The following NXPE2 variants were observed in gnomAD, a reference collection of about 807,000 sequenced individuals.
NXPE2 encodes the protein neurexophilin and PC-esterase domain family member 2.
In NXPE2, 34 loss-of-function variants were observed where a neutral mutation model predicts 34.4. The ratio of observed to expected loss-of-function variants is 0.99; its 90% CI spans 0.75 to 1.31. The LOEUF is 1.31. NXPE2 is among the 40% of genes most tolerant of loss of function. The pLI is 0.00. For missense variants in NXPE2, 649 were observed against 672.5 expected (o/e 0.97, Z 0.39); for synonymous variants, 235 against 231.3 (o/e 1.02, Z -0.15).
chr11:114,704,045 A>G lies in NXPE2; in HGVS notation c.921A>G (p.Pro307=), dbSNP rs1442078299. Residue 307 remains proline (P), a synonymous_variant, in exon 4 of 6, where the codon CCA becomes CCG. Coordinates refer to ENST00000389586, the MANE Select transcript of NXPE2 (RefSeq NM_182495.6). ...MKNFTPIEVI[P]CNKSENIKKN... is the part of the protein sequence containing the mutation. Reference sequence around the variant, plus strand: ...ACTTTACCCCCATTGAGGTCATACCATGCAACAGTAAGTCTGGAGTGTTGT... The same window carrying G: ...ACTTTACCCCCATTGAGGTCATACCGTGCAACAGTAAGTCTGGAGTGTTGT... 5 of 1,550,286 alleles carry G rather than the reference A, an allele frequency of 3.2e-6. No homozygotes were observed. The highest frequency in any genetic ancestry group is 4.9e-5 in the East Asian group (2 of 41,046).
chr11:114,487,596 G>C, the NXPE2 span, among the ~76,000 whole-genome samples: 4 of 152,266 alleles, frequency 2.6e-5, no homozygotes, highest in Admixed American at 6.5e-5. Flanking sequence ...TCTTGTTCCA[G>C]ATCTTAGAGA....
At chr11:114,731,893 G>A in the NXPE2 span, among the ~76,000 whole-genome samples, 112 of 152,220 alleles carry the variant, frequency 7.4e-4, no homozygotes, top group African/African-American at 2.6e-3. Flanking sequence ...ACTGGGTAAA[G>A]AACACACAGG....
the NXPE2 span, among the ~76,000 whole-genome samples, chr11:114,542,228 T>A: frequency 6.6e-6 from 1 of 152,130 alleles, no homozygotes; most frequent in Non-Finnish European, 1.5e-5. Flanking sequence ...ATTTGTAGAG[T>A]AAAATGTTTA....
the NXPE2 span, among the ~76,000 whole-genome samples, chr11:114,773,287 C>CA: frequency 9.6e-5 from 9 of 93,452 alleles, no homozygotes; most frequent in Non-Finnish European, 1.4e-4. Flanking sequence ...CCACCCCCCC[C>CA]CCACCCCATT....
chr11:114,728,117 T>C, the NXPE2 span, among the ~76,000 whole-genome samples: 5 of 152,032 alleles, frequency 3.3e-5, no homozygotes, highest in Non-Finnish European at 5.9e-5. Flanking sequence ...AAATCTCTCT[T>C]TGATTATTTG....
the NXPE2 span, among the ~76,000 whole-genome samples, chr11:114,630,466 C>A: frequency 3.3e-5 from 5 of 151,606 alleles, no homozygotes; most frequent in Admixed American, 2.6e-4. Flanking sequence ...AACTGGCTAG[C>A]CATATGTAGA....
At chr11:114,686,465 A>C (rs549870489) in intron 2 of NXPE2, among the ~76,000 whole-genome samples, 1 of 152,158 alleles carries the variant, frequency 6.6e-6, no homozygotes, top group South Asian at 2.1e-4. Context: ...TTGTTTTGGC[A>C]GTGTAGTATT....
chr11:114,522,420 A>G, the NXPE2 span: 2 of 1,613,960 alleles, frequency 1.2e-6, no homozygotes, highest in South Asian at 1.1e-5. Flanking sequence ...TGTTTTTTCC[A>G]TTGAATCTGA....
At chr11:114,590,880 A>C in the NXPE2 span, among the ~76,000 whole-genome samples, 2 of 152,188 alleles carry the variant, frequency 1.3e-5, no homozygotes, top group African/African-American at 4.8e-5. Flanking sequence ...ACCTTTGGCT[A>C]ACAGTCCGTT....
At chr11:114,510,864 T>A in the NXPE2 span, among the ~76,000 whole-genome samples, 182 of 152,262 alleles carry the variant, frequency 1.2e-3, no homozygotes, top group African/African-American at 4.1e-3. Context: ...AAACAAAAAA[T>A]TTATACATTT....
At chr11:114,514,678 C>A in the NXPE2 span, among the ~76,000 whole-genome samples, 1 of 152,110 alleles carries the variant, frequency 6.6e-6, no homozygotes, top group South Asian at 2.1e-4. Flanking sequence ...CCTGAACCAC[C>A]ATGTCCAGCT....
chr11:114,478,448 C>A, the NXPE2 span, among the ~76,000 whole-genome samples: 1 of 152,142 alleles, frequency 6.6e-6, no homozygotes, highest in Admixed American at 6.6e-5. Flanking sequence ...AAAGGAAATG[C>A]TCCAGGATAA....
At chr11:114,772,561 T>C in the NXPE2 span, among the ~76,000 whole-genome samples, 1 of 152,066 alleles carries the variant, frequency 6.6e-6, no homozygotes, top group African/African-American at 2.4e-5. Flanking sequence ...GAAGGGTTAA[T>C]TTGCCCATGT....
At chr11:114,624,528 T>C in the NXPE2 span, among the ~76,000 whole-genome samples, 1,552 of 151,710 alleles carry the variant, frequency 0.01, 23 homozygotes, top group African/African-American at 0.035. Context: ...TATTGCCTCG[T>C]GGGTAACCAC....
the NXPE2 span, among the ~76,000 whole-genome samples, chr11:114,494,864 C>T: frequency 7.4e-3 from 1,131 of 152,172 alleles, 18 homozygotes; most frequent in African/African-American, 0.025. Flanking sequence ...TCCAGGTGCT[C>T]GGAGGGACTT....
the NXPE2 span, among the ~76,000 whole-genome samples, chr11:114,796,396 A>T: frequency 6.6e-6 from 1 of 152,316 alleles, no homozygotes; most frequent in Non-Finnish European, 1.5e-5. Flanking sequence ...TATGTATATT[A>T]TTATAGCTAA....
chr11:114,651,455 G>A, the NXPE2 span, among the ~76,000 whole-genome samples: 1 of 152,152 alleles, frequency 6.6e-6, no homozygotes, highest in East Asian at 1.9e-4. Flanking sequence ...AAGGTAGTGT[G>A]GACCCAAAGA....
At chr11:114,801,174 AATATAAAGAAAAAAGGAAAAGAGAAT>A in the NXPE2 span, among the ~76,000 whole-genome samples, 2 of 152,226 alleles carry the variant, frequency 1.3e-5, no homozygotes, top group African/African-American at 4.8e-5. Context: ...AAAGAGAGAA[AATATAAAGAAAAAAGGAAAAGAGAAT>A]ATCAGATTGT....
the NXPE2 span, among the ~76,000 whole-genome samples, chr11:114,755,855 T>C: frequency 1.3e-5 from 2 of 152,170 alleles, no homozygotes; most frequent in African/African-American, 4.8e-5. Flanking sequence ...CCAACCTTAG[T>C]TGAAATGAAG....
Sources: gnomAD v4.1 joint callset for allele counts (sites outside exome capture counted in the v4.1 genomes callset) on GRCh38, gnomAD v4.1.1 for gene constraint, MANE v1.5 for transcripts, NCBI Gene and HGNC (gene_info 2026-07-23, HGNC 2026-07-21) for gene names.